Variants in TNRC6C observed in about 807,000 individuals in gnomAD.
TNRC6C encodes the protein trinucleotide repeat containing adaptor 6C.
A neutral mutation model predicts 153.7 loss-of-function variants in TNRC6C; 20 were observed. The observed-to-expected ratio is 0.13, with a 90% CI of 0.09 to 0.19. TNRC6C has a LOEUF of 0.19. TNRC6C is among the 10% of genes least tolerant of loss of function. The pLI, the probability that TNRC6C is intolerant of heterozygous loss-of-function variation, is 1.00. For missense variants in TNRC6C, 1,987 were observed against 2,172.0 expected, an observed-to-expected ratio of 0.91 and a Z score of 1.69; for synonymous variants, 811 against 841.4, an observed-to-expected ratio of 0.96 and a Z score of 0.63.
chr17:78,107,277 TG>T (rs2073716654), exon 20 of TNRC6C: 2 of 152,202 alleles, frequency 1.3e-5, no homozygotes, highest in African/African-American at 2.4e-5. Flanking sequence ...GTTTGTTTTT[TG>T]TTTTTTTTAC....
At chr17:78,060,910 T>C (rs1296392615) in intron 3 of TNRC6C, among the ~76,000 whole-genome samples, 1 of 152,220 alleles carries the variant, frequency 6.6e-6, no homozygotes, top group East Asian at 1.9e-4. Context: ...TGCTTAACAA[T>C]GTTCAGTGAG....
rs545363799 is a variant in TNRC6C at position 78,073,725 on chromosome 17, A to G, written c.2917+631A>G. ...CTGCTCACAACATTTTTGTCAACCA[A>G]TCAATATATAACCTTGTTTTATATG... is the stretch of plus-strand genomic sequence containing the variant. On this transcript the variant is annotated intron_variant, in intron 7 of 19. Transcript: ENST00000301624. Among the ~76,000 whole-genome samples, 3 of 152,296 alleles carry G rather than the reference A, an allele frequency of 2.0e-5. No homozygotes were observed. In the South Asian group the frequency reaches 6.2e-4, roughly 32 times the overall value.
At chr17:78,007,961 G>T (rs2071552115) in intron 1 of TNRC6C, among the ~76,000 whole-genome samples, 1 of 152,060 alleles carries the variant, frequency 6.6e-6, no homozygotes, top group South Asian at 2.1e-4. Context: ...TTTAAATTTG[G>T]ATTTGTTTTA....
intron 11 of TNRC6C, 54 bp from the exon 14 acceptor site, chr17:78,086,449 A>T (rs928832813): frequency 1.4e-6 from 2 of 1,452,076 alleles, no homozygotes; most frequent in Non-Finnish European, 1.9e-6. Flanking sequence ...TTGAACCATT[A>T]GTTCAACTTA....
intron 16 of TNRC6C, among the ~76,000 whole-genome samples, chr17:78,096,338 A>G (rs1265668401): frequency 6.6e-6 from 1 of 152,042 alleles, no homozygotes; most frequent in Non-Finnish European, 1.5e-5. Flanking sequence ...AGGTGATGGA[A>G]TGATCTCTAC....
chr17:78,100,770 C>CTTTTTTTT (rs56816459), intron 17 of TNRC6C, among the ~76,000 whole-genome samples: 11 of 104,034 alleles, frequency 1.1e-4, no homozygotes, highest in East Asian at 7.8e-4. Flanking sequence ...ATGGGATTTC[C>CTTTTTTTT]TTTTTTTTTT....
intron 1 of TNRC6C, among the ~76,000 whole-genome samples, chr17:77,995,572 A>G (rs2071315453): frequency 6.6e-6 from 1 of 152,220 alleles, no homozygotes; most frequent in Non-Finnish European, 1.5e-5. Context: ...GTTACAGAAT[A>G]CATATTCCTA....
intron 1 of TNRC6C, among the ~76,000 whole-genome samples, chr17:77,987,595 A>G (rs143499049): frequency 2.0e-5 from 3 of 152,152 alleles, no homozygotes; most frequent in South Asian, 2.1e-4. Context: ...TAAATAAGCA[A>G]CCGGGGAATT....
At chr17:78,003,341 C>G (rs891586798), upstream of TNRC6C, among the ~76,000 whole-genome samples, 3 of 151,718 alleles carry the variant, frequency 2.0e-5, no homozygotes, top group Admixed American at 2.0e-4. Context: ...GAAGAGGCAT[C>G]CAGAGAAGGA....
intron 16 of TNRC6C, among the ~76,000 whole-genome samples, chr17:78,094,500 G>A (rs536224492): frequency 2.1e-4 from 32 of 150,652 alleles, no homozygotes; most frequent in African/African-American, 5.1e-4. Context: ...GTATAGTGGC[G>A]TGATCTTGGC....
chr17:77,968,768 A>G (rs924942059), intron 1 of TNRC6C, among the ~76,000 whole-genome samples: 2 of 152,208 alleles, frequency 1.3e-5, no homozygotes, highest in Non-Finnish European at 2.9e-5. Flanking sequence ...TTTTCCAACT[A>G]AATCTTAAAT....
intron 1 of TNRC6C, among the ~76,000 whole-genome samples, chr17:77,988,962 G>A (rs1303267149): frequency 1.3e-5 from 2 of 152,218 alleles, no homozygotes; most frequent in Non-Finnish European, 2.9e-5. Flanking sequence ...GGCACATATA[G>A]TACACTCTTA....
chr17:78,022,642 C>T (rs2071857044), intron 1 of TNRC6C, among the ~76,000 whole-genome samples: 1 of 152,094 alleles, frequency 6.6e-6, no homozygotes, highest in South Asian at 2.1e-4. Flanking sequence ...TTCTAAGGTT[C>T]CTGTCAGCTC....
intron 1 of TNRC6C, among the ~76,000 whole-genome samples, chr17:78,011,578 A>T (rs897678951): frequency 2.0e-5 from 3 of 152,138 alleles, no homozygotes; most frequent in Admixed American, 2.0e-4. Context: ...TATCCTCTTC[A>T]TTCTCCTGTT....
intron 13 of TNRC6C, among the ~76,000 whole-genome samples, chr17:78,091,151 G>A (rs1028042355): frequency 1.3e-4 from 20 of 152,200 alleles, no homozygotes; most frequent in South Asian, 8.3e-4. Flanking sequence ...TTGTTATGAC[G>A]ATAAGTAGTA....
At chr17:78,033,521 T>C (rs1373494275) in intron 2 of TNRC6C, among the ~76,000 whole-genome samples, 2 of 151,916 alleles carry the variant, frequency 1.3e-5, no homozygotes, top group African/African-American at 4.8e-5. Flanking sequence ...AATACAAAAT[T>C]AGCTGGGCAT....
chr17:78,044,952 C>T lies in TNRC6C; in HGVS notation c.-218-3893C>T, dbSNP rs560966034. Among the ~76,000 whole-genome samples the T allele has an allele frequency of 3.3e-5, 5 of 152,256 alleles. No individual in the cohort carries two copies. The East Asian group carries it at 9.6e-4, about 29-fold the overall frequency. On this transcript the variant is annotated intron_variant, in intron 2 of 19. Coordinates refer to ENST00000301624, the Ensembl canonical transcript of TNRC6C. Reference sequence around the variant, plus strand: ...GGGAAAAAAGAATAGACATTGAGCCCAGGCAGGGGATGGCACCTTTAACAG... The same window carrying T: ...GGGAAAAAAGAATAGACATTGAGCCTAGGCAGGGGATGGCACCTTTAACAG...
chr17:77,958,554 C>A (rs1237338027), upstream of TNRC6C, among the ~76,000 whole-genome samples: 1 of 152,044 alleles, frequency 6.6e-6, no homozygotes, highest in Non-Finnish European at 1.5e-5. Flanking sequence ...GTGCAGAGTG[C>A]CGATTGGCCA....
At chr17:78,005,227 C>A in intron 1 of TNRC6C, 148 bp downstream of exon 3, 1 of 494,246 alleles carries the variant, frequency 2.0e-6, no homozygotes, top group Non-Finnish European at 3.2e-6. Context: ...TGTGAAATTC[C>A]TCATTTATCA....
Sources: gnomAD v4.1 joint callset for allele counts (sites outside exome capture counted in the v4.1 genomes callset) on GRCh38, gnomAD v4.1.1 for gene constraint, MANE v1.5 for transcripts, NCBI Gene and HGNC (gene_info 2026-07-23, HGNC 2026-07-21) for gene names.